Variants in EP400 observed in about 807,000 individuals in gnomAD.
EP400 encodes the protein E1A binding protein p400, also known as E1A-binding protein p400.
EP400 carries 105 observed loss-of-function variants against 354.1 expected under a neutral mutation model. That is an observed-to-expected ratio of 0.30 (90% CI 0.25 to 0.35). EP400 has a LOEUF of 0.35. EP400 is among the 10% of genes least tolerant of loss of function. The probability of loss-of-function intolerance (pLI) is 1.00; values close to 1 mark genes in which losing one functional copy is unlikely to be tolerated. For missense variants in EP400, 3,280 were observed against 4,121.0 expected, an observed-to-expected ratio of 0.80 and a Z score of 5.59; for synonymous variants, 1,646 against 1,716.9, an observed-to-expected ratio of 0.96 and a Z score of 1.02.
At position 132,064,867 on chromosome 12, in the gene EP400, A is replaced by G; in HGVS notation, c.8534A>G (p.Asn2845Ser). ...GALLTGTTVANLQVARLTRVP... is the reference protein window; with the variant it reads ...GALLTGTTVASLQVARLTRVP... ...CTGCTGACGGGCACCACCGTGGCCA[A>G]CCTCCAGGTGGCCCGGCTCGTAAGT... Residue 2845 changes from asparagine (N) to serine (S), a missense_variant, in exon 48 of 53, where the codon AAC (asparagine) becomes AGC (serine). Physicochemically the swap from Asn to Ser is conservative, Grantham distance 46 (BLOSUM62 1). This residue lies in a region of EP400 where 279 missense variants were observed against 386.7 expected (regional missense o/e 0.72). Transcript: ENST00000389561. 2 of 1,609,664 alleles carry G rather than the reference A, an allele frequency of 1.2e-6. No individual in the cohort carries two copies. Among genetic ancestry groups the G allele is most frequent in the South Asian group, 2.2e-5 (2 of 90,904 alleles).
intron 47 of EP400, among the ~76,000 whole-genome samples, chr12:132,064,272 C>T (rs1454021140): frequency 3.3e-5 from 5 of 152,242 alleles, no homozygotes; most frequent in Non-Finnish European, 2.9e-5. Flanking sequence ...AACCAGTTCA[C>T]TTCCAGCATT....
chr12:131,978,626 C>T (rs1204143284), intron 2 of EP400, among the ~76,000 whole-genome samples: 4 of 152,020 alleles, frequency 2.6e-5, no homozygotes, highest in African/African-American at 4.8e-5. Flanking sequence ...GGGCTCAAGA[C>T]TCCTGAGTAG....
At chr12:132,044,074 G>A (rs1895002440) in intron 34 of EP400, 103 bp from the exon 35 acceptor site, 2 of 1,500,116 alleles carry the variant, frequency 1.3e-6, no homozygotes, top group Admixed American at 3.7e-5. Context: ...TGTGTGTAGA[G>A]AACATGTGGC....
At chr12:132,039,761 A>C (rs1306591786) in intron 32 of EP400, among the ~76,000 whole-genome samples, 1 of 152,244 alleles carries the variant, frequency 6.6e-6, no homozygotes, top group Non-Finnish European at 1.5e-5. Context: ...AGCTGGGGCC[A>C]GGTGTGGTGG....
intron 45 of EP400, among the ~76,000 whole-genome samples, chr12:132,061,008 C>A (rs1895677416): frequency 6.6e-6 from 1 of 151,980 alleles, no homozygotes; most frequent in African/African-American, 2.4e-5. Flanking sequence ...GAATGATATG[C>A]TTTAAGCAGA....
intron 2 of EP400, among the ~76,000 whole-genome samples, chr12:131,966,199 G>C (rs1892073812): frequency 6.6e-6 from 1 of 152,010 alleles, no homozygotes; most frequent in Non-Finnish European, 1.5e-5. Context: ...AGACCAACCT[G>C]GGCCAGGCAC....
At chr12:132,061,995 T>C in intron 45 of EP400, 115 bp from the exon 46 acceptor site, 1 of 805,628 alleles carries the variant, frequency 1.2e-6, no homozygotes, top group Non-Finnish European at 2.0e-6. Context: ...CTCTAGCGTG[T>C]GTTTCACTTG....
At chr12:132,030,290 T>G in intron 29 of EP400, 132 bp downstream of exon 29, 2 of 1,060,926 alleles carry the variant, frequency 1.9e-6, no homozygotes, top group Non-Finnish European at 2.7e-6. Context: ...CTTCTGAACT[T>G]TTTAAAGTCT....
rs1294833132 is a variant in EP400 at position 132,070,972 on chromosome 12, G to A, written c.9021+1331G>A. Among the ~76,000 whole-genome samples, 3 of 152,014 alleles carry A rather than the reference G, an allele frequency of 2.0e-5. No individual in the cohort carries two copies. Among genetic ancestry groups the A allele is most frequent in the Non-Finnish European group, 4.4e-5 (3 of 68,024 alleles). ...GGTTTTGTTTTGTTGCATTTCCTTC[G>A]TATACAGTTGTATCACCTGTAAATC... On this transcript the variant is annotated intron_variant, in intron 51 of 52. Transcript: ENST00000389561. This position sits in a 1 kb window ranked among gnomAD's most constrained non-coding sequence, Gnocchi z 4.1.
At chr12:132,063,536 A>AGGG (rs879516279) in intron 47 of EP400, among the ~76,000 whole-genome samples, 618 of 152,372 alleles carry the variant, frequency 4.1e-3, no homozygotes, top group Non-Finnish European at 7.2e-3. Context: ...GTCCTACCAT[A>AGGG]AATGAAAAAT....
At position 132,020,826 on chromosome 12, in the gene EP400, C is replaced by G. The variant is rs1428636875; in HGVS notation, c.4448-253C>G. Among the ~76,000 whole-genome samples the G allele has an allele frequency of 2.0e-5, 3 of 152,178 alleles. No homozygotes were observed. In the East Asian group the frequency reaches 5.8e-4, roughly 29 times the overall value. ...AATGTTTGGTTGGGCTGACTTCTAA[C>G]AGTTTCTGTTTACTCTGAGAAATGT... On this transcript the variant is annotated intron_variant, in intron 22 of 52. Transcript: ENST00000389561.
chr12:131,957,525 C>CTT lies in EP400; in HGVS notation c.-35-3048_-35-3047dup, dbSNP rs35977358. Among the ~76,000 whole-genome samples, 1,096 of 118,514 alleles carry CTT rather than the reference C, an allele frequency of 9.2e-3. 34 individuals carry two copies. The South Asian group carries it at 0.11, about 12-fold the overall frequency. 77.7% of individuals were successfully genotyped at this position (118,514 alleles called of 152,430 possible). A position where few individuals can be genotyped will look rare whatever the true frequency, so the allele number is the denominator to read the frequency against. ...GGAACGTTTTGATTTTTCTTTCTTT[C>CTT]TTTTTTTTTTTTTACATTAAATGTA... On this transcript the variant is annotated intron_variant, in intron 1 of 52. Coordinates refer to ENST00000389561, the MANE Select transcript of EP400 (RefSeq NM_015409.5).
rs1893031326 is a variant in EP400 at position 131,991,473 on chromosome 12, T to TA, written c.2679+18dup. The TA allele has an allele frequency of 1.2e-6, 2 of 1,613,754 alleles. No homozygotes were observed. The highest frequency in any genetic ancestry group is 1.7e-6 in the Non-Finnish European group (2 of 1,179,772). ...AGTTCTCTGGTAAGTTTGGGGTTGT[T>TA]ACTGTGCTGTGTGAGAAGGAGTAGA... On this transcript the variant is annotated intron_variant, in intron 10 of 52. Transcript: ENST00000389561.
chr12:132,010,004 T>G (rs1204041062), intron 15 of EP400, among the ~76,000 whole-genome samples: 1 of 151,910 alleles, frequency 6.6e-6, no homozygotes, highest in African/African-American at 2.4e-5. Context: ...TTTTATTTAT[T>G]TATTTTTTAA....
intron 1 of EP400, among the ~76,000 whole-genome samples, chr12:131,952,302 C>CAAAA (rs927214848): frequency 4.5e-4 from 21 of 47,020 alleles, no homozygotes; most frequent in African/African-American, 5.3e-4. Context: ...GACTCTGTCT[C>CAAAA]AAAAAAAAAA....
At chr12:132,005,625 G>A (rs895181129) in intron 13 of EP400, among the ~76,000 whole-genome samples, 3 of 152,294 alleles carry the variant, frequency 2.0e-5, no homozygotes, top group South Asian at 2.1e-4. Flanking sequence ...CATGCGAGTT[G>A]GGGAGTGGCC....
Position 132,023,825 on chromosome 12 carries a change from A to C in EP400, c.4739A>C (p.Gln1580Pro). 1 of 1,614,014 alleles carries C rather than the reference A, an allele frequency of 6.2e-7. No individual in the cohort carries two copies. The highest frequency in any genetic ancestry group is 1.1e-5 in the South Asian group (1 of 91,034). ...CAGCTGGCATCCATCACAGGACCAC[A>C]GAGCCGCGTGGCTCAGCCAGAGACG... ...IAQLASITGPQSRVAQPETPV... is the reference protein window; with the variant it reads ...IAQLASITGPPSRVAQPETPV... The change falls in exon 24 of 53, where the codon CAG (glutamine) becomes CCG (proline). Residue 1580 changes from glutamine (Q) to proline (P), a missense_variant. Around this residue, in one of 20 missense-constraint regions of EP400, gnomAD observed 342 missense variants for 342.7 expected, o/e 1.00. Transcript: ENST00000389561.
intron 2 of EP400, among the ~76,000 whole-genome samples, chr12:131,974,350 A>C (rs1430140104): frequency 2.6e-5 from 4 of 152,158 alleles, no homozygotes; most frequent in Admixed American, 1.3e-4. Context: ...TCTTGGGCTC[A>C]AGCAGTCCTC....
chr12:132,069,471 C>T (rs769692436), intron 50 of EP400, 24 bp from the exon 51 acceptor site: 2 of 1,611,488 alleles, frequency 1.2e-6, no homozygotes, highest in Admixed American at 1.7e-5. Context: ...TCTCTGCGGC[C>T]CTAATTTCGC....
Sources: allele counts gnomAD v4.1 joint callset (sites outside exome capture counted in the v4.1 genomes callset), GRCh38; gene constraint gnomAD v4.1.1; regional missense constraint gnomAD v4.1.1; non-coding constraint Gnocchi (gnomAD v3.1); transcripts MANE v1.5; gene names NCBI Gene and HGNC (gene_info 2026-07-23, HGNC 2026-07-21).